Variants in DNAJC15 observed in about 807,000 individuals in gnomAD.
The protein encoded by DNAJC15 is DnaJ heat shock protein family (Hsp40) member C15, also known as dnaJ homolog subfamily C member 15.
Under a neutral mutation model 22.4 loss-of-function variants are expected in DNAJC15, and 27 were observed. The ratio of observed to expected loss-of-function variants is 1.20; its 90% CI spans 0.89 to 1.66. The LOEUF (loss-of-function observed/expected upper bound fraction) is 1.66, where lower values mean the gene tolerates loss of function less well. Ranked by LOEUF, DNAJC15 falls within the 40% of genes most tolerant of loss-of-function variation. The pLI is 0.00. For missense variants in DNAJC15, 208 were observed against 187.1 expected (o/e 1.11, Z -0.65); for synonymous variants, 79 against 63.2 (o/e 1.25, Z -1.19).
At chr13:43,078,923 AC>A (rs2040648725) in intron 4 of DNAJC15, 1 of 302,022 alleles carries the variant, frequency 3.3e-6, no homozygotes, top group Non-Finnish European at 6.2e-6. Context: ...TTATTCTTTA[AC>A]AAGGATCTAT....
intron 4 of DNAJC15, among the ~76,000 whole-genome samples, 180 bp from the exon 5 acceptor site, chr13:43,085,588 C>T (rs992578575): frequency 6.6e-6 from 1 of 152,142 alleles, no homozygotes; most frequent in Non-Finnish European, 1.5e-5. Flanking sequence ...ACACATGTAA[C>T]ATTGAATCAA....
At chr13:43,042,076 G>A (rs756759257) in intron 1 of DNAJC15, among the ~76,000 whole-genome samples, 1 of 152,126 alleles carries the variant, frequency 6.6e-6, no homozygotes, top group African/African-American at 2.4e-5. Context: ...CTTATCTGTG[G>A]GTTCTGTGTT....
chr13:43,103,541 C>G (rs1056350360), intron 5 of DNAJC15, among the ~76,000 whole-genome samples: 1 of 152,144 alleles, frequency 6.6e-6, no homozygotes, highest in African/African-American at 2.4e-5. Context: ...TGAAGTTTGT[C>G]GAGACTTGCT....
rs969206847 is a variant in DNAJC15, at chr13:43,107,941, T to G, written c.*693T>G. On this transcript the variant is annotated 3_prime_UTR_variant, in exon 6 of 6. Transcript: ENST00000379221. Reference sequence around the variant, plus strand: ...GTATTTAATTATAGTCTTCCAGTACTGTATATTCATTCATTACTCATTCTA... The same window carrying G: ...GTATTTAATTATAGTCTTCCAGTACGGTATATTCATTCATTACTCATTCTA... The G allele has an allele frequency of 6.6e-6, 1 of 152,572 alleles. No homozygotes were observed. The highest frequency in any genetic ancestry group is 2.4e-5 in the African/African-American group (1 of 41,462). 9.5% of individuals were successfully genotyped at this position (152,572 alleles called of 1,614,324 possible).
At chr13:43,039,375 A>G (rs989908362) in intron 1 of DNAJC15, among the ~76,000 whole-genome samples, 5 of 152,220 alleles carry the variant, frequency 3.3e-5, no homozygotes, top group African/African-American at 4.8e-5. Flanking sequence ...GTATAAAATT[A>G]TAGTGTTTCT....
intron 1 of DNAJC15, among the ~76,000 whole-genome samples, chr13:43,050,244 C>G (rs78435489): frequency 6.6e-6 from 1 of 152,128 alleles, no homozygotes. Flanking sequence ...GTAAATCTAA[C>G]AGCCTTACTA....
chr13:43,069,983 GA>G (rs1488692049), intron 3 of DNAJC15, among the ~76,000 whole-genome samples: 1 of 152,052 alleles, frequency 6.6e-6, no homozygotes, highest in Non-Finnish European at 1.5e-5. Context: ...TTTATTGGAG[GA>G]CAGAATGTCA....
At chr13:43,049,641 T>C (rs989064052) in intron 1 of DNAJC15, among the ~76,000 whole-genome samples, 1 of 152,184 alleles carries the variant, frequency 6.6e-6, no homozygotes, top group African/African-American at 2.4e-5. Context: ...TGGTCAGGAG[T>C]TCTGTGTTGA....
chr13:43,109,760 A>C lies in DNAJC15; in HGVS notation c.*2512A>C, dbSNP rs1387016020. On this transcript the variant is annotated 3_prime_UTR_variant, in exon 6 of 6. Coordinates refer to ENST00000379221, the MANE Select transcript of DNAJC15 (RefSeq NM_013238.3). Reference sequence around the variant, plus strand: ...TCGCATTTGGAGATATACTAATGTAAATGACAAGTTAATTGGTGCAGCACA... The same window carrying C: ...TCGCATTTGGAGATATACTAATGTACATGACAAGTTAATTGGTGCAGCACA... 6.6e-6 allele frequency: 1 copy of C among 152,152 alleles called. No homozygotes were observed. The highest frequency in any genetic ancestry group is 2.4e-5 in the African/African-American group (1 of 41,430). 9.4% of individuals were successfully genotyped at this position (152,152 alleles called of 1,614,324 possible). A position where few individuals can be genotyped will look rare whatever the true frequency, so the allele number is the denominator to read the frequency against.
intron 1 of DNAJC15, among the ~76,000 whole-genome samples, chr13:43,059,432 G>A (rs1416558843): frequency 6.6e-6 from 1 of 151,998 alleles, no homozygotes; most frequent in African/African-American, 2.4e-5. Flanking sequence ...GGAGTGCAAC[G>A]GCGCAATCTC....
In DNAJC15 at chr13:43,074,191, C is replaced by G. The variant is rs188987851; in HGVS notation, c.235-4421C>G. 4.5e-4 allele frequency among the ~76,000 whole-genome samples: 69 copies of G among 152,182 alleles called. 1 individual carries two copies. Among genetic ancestry groups the G allele is most frequent in the African/African-American group, 1.4e-3 (59 of 41,536 alleles). ...AACTATGGGATGATCCAGTTCTTCT[C>G]TAGTTGTCTGGAGGACTTTTGTGTT... On this transcript the variant is annotated intron_variant, in intron 3 of 5. Transcript: ENST00000379221.
In DNAJC15 at chr13:43,059,438, A is replaced by G. The variant is rs114115062; in HGVS notation, c.109-6248A>G. On this transcript the variant is annotated intron_variant, in intron 1 of 5. Coordinates refer to ENST00000379221, the MANE Select transcript of DNAJC15 (RefSeq NM_013238.3). ...GCCCAGGCTGGAGTGCAACGGCGCA[A>G]TCTCGGCTCACCGCTTCCCGGGTTC... is the stretch of plus-strand genomic sequence containing the variant. Among the ~76,000 whole-genome samples the G allele has an allele frequency of 7.9e-3, 1,197 of 152,072 alleles. 14 individuals carry two copies. Among genetic ancestry groups the G allele is most frequent in the African/African-American group, 0.027 (1,141 of 41,506 alleles).
intron 1 of DNAJC15, among the ~76,000 whole-genome samples, chr13:43,031,727 T>C (rs1031076976): frequency 4.6e-5 from 7 of 152,332 alleles, no homozygotes; most frequent in African/African-American, 1.7e-4. Flanking sequence ...AGCACTGAAA[T>C]AATTTGTGCA....
At chr13:43,093,568 A>C (rs574451362) in intron 5 of DNAJC15, among the ~76,000 whole-genome samples, 1 of 152,000 alleles carries the variant, frequency 6.6e-6, no homozygotes, top group South Asian at 2.1e-4. Flanking sequence ...GTGCCAACAT[A>C]CCCAGCTAAT....
chr13:43,071,387 G>A (rs73473996), intron 3 of DNAJC15, among the ~76,000 whole-genome samples: 5,133 of 152,170 alleles, frequency 0.034, 298 homozygotes, highest in African/African-American at 0.12. Flanking sequence ...AAGAAACTTC[G>A]CCTTCAATAA....
chr13:43,049,200 ATGAC>A (rs1404898924), intron 1 of DNAJC15, among the ~76,000 whole-genome samples: 1 of 152,224 alleles, frequency 6.6e-6, no homozygotes, highest in East Asian at 1.9e-4. Context: ...TTGGTAGAAA[ATGAC>A]TGTAGTTGTG....
At chr13:43,092,748 G>C (rs1245128750) in intron 5 of DNAJC15, among the ~76,000 whole-genome samples, 1 of 152,062 alleles carries the variant, frequency 6.6e-6, no homozygotes, top group African/African-American at 2.4e-5. Context: ...CCTTTCTCCA[G>C]TAAAAATTTA....
chr13:43,086,308 G>T (rs1250574854), intron 5 of DNAJC15, among the ~76,000 whole-genome samples: 2 of 152,110 alleles, frequency 1.3e-5, no homozygotes, highest in Non-Finnish European at 2.9e-5. Context: ...TTTTTAACTG[G>T]CCAGGTTTTT....
chr13:43,107,521 C>A lies in DNAJC15; in HGVS notation c.*273C>A. 8.8e-6 allele frequency: 1 copy of A among 113,284 alleles called. No individual in the cohort carries two copies. Among genetic ancestry groups the A allele is most frequent in the South Asian group, 1.9e-4 (1 of 5,156 alleles). The allele number at this position is 113,284 out of a possible 1,614,324, so 7.0% of individuals were successfully genotyped here. A position where few individuals can be genotyped will look rare whatever the true frequency, so the allele number is the denominator to read the frequency against. On this transcript the variant is annotated 3_prime_UTR_variant, in exon 6 of 6. Transcript: ENST00000379221. ...GATTTTTGTTATGTTCTGAATTCCCCCCTACACACACACACACACACACAC... is the reference window on the plus strand; with the variant it reads ...GATTTTTGTTATGTTCTGAATTCCCACCTACACACACACACACACACACAC...
Sources: gnomAD v4.1 joint callset for allele counts (sites outside exome capture counted in the v4.1 genomes callset) on GRCh38, gnomAD v4.1.1 for gene constraint, MANE v1.5 for transcripts, NCBI Gene and HGNC (gene_info 2026-07-23, HGNC 2026-07-21) for gene names.